The following NFIC variants were observed in gnomAD, a reference collection of about 807,000 sequenced individuals.
NFIC encodes the protein nuclear factor I C.
A neutral mutation model predicts 54.4 loss-of-function variants in NFIC; 12 were observed. The observed-to-expected ratio is 0.22, with a 90% CI of 0.14 to 0.36. NFIC has a LOEUF of 0.36. Among genes scored for constraint, NFIC ranks in the 10% least tolerant of loss-of-function variants. The pLI, the probability that NFIC is intolerant of heterozygous loss-of-function variation, is 1.00. For missense variants in NFIC, 575 were observed against 718.2 expected, an observed-to-expected ratio of 0.80 and a Z score of 2.28; for synonymous variants, 322 against 319.2, an observed-to-expected ratio of 1.01 and a Z score of -0.09.
At chr19:3,415,144 G>T (rs1465846962) in intron 2 of NFIC, among the ~76,000 whole-genome samples, 1 of 151,864 alleles carries the variant, frequency 6.6e-6, no homozygotes, top group African/African-American at 2.4e-5. Flanking sequence ...CCTGCCAAGT[G>T]CTTGGTTCTT....
chr19:3,418,577 C>T (rs934493989), intron 2 of NFIC, among the ~76,000 whole-genome samples: 1 of 152,082 alleles, frequency 6.6e-6, no homozygotes, highest in Admixed American at 6.6e-5. Flanking sequence ...GCTGGCCGGG[C>T]GTGGTGGCTC....
chr19:3,381,474 C>T (rs941303464), intron 1 of NFIC, among the ~76,000 whole-genome samples: 7 of 151,900 alleles, frequency 4.6e-5, no homozygotes, highest in Admixed American at 2.0e-4. Context: ...AGTCTGTTTG[C>T]TCATCTGGGC....
At chr19:3,433,435 C>G in intron 3 of NFIC, 83 bp from the exon 4 acceptor site, 1 of 1,470,506 alleles carries the variant, frequency 6.8e-7, no homozygotes, top group Non-Finnish European at 9.4e-7. Flanking sequence ...GGGCCAGCCC[C>G]CAGGAGTCCA....
At chr19:3,460,186 T>A (rs953282233) in intron 10 of NFIC, among the ~76,000 whole-genome samples, 4 of 152,322 alleles carry the variant, frequency 2.6e-5, no homozygotes, top group Middle Eastern at 3.4e-3. Flanking sequence ...AGTGAGCTTC[T>A]GTGGAGCAAG....
chr19:3,466,972 C>A lies in NFIC; in HGVS notation c.*4203C>A, dbSNP rs530394103. ...ACAGGGTCCCTGTAGGGCAAAATTC[C>A]CAGGCGCCTTGCTGCAGACAGAGTA... On this transcript the variant is annotated 3_prime_UTR_variant, in exon 11 of 11. Transcript: ENST00000443272. This position sits in a 1 kb window ranked among gnomAD's most constrained non-coding sequence, Gnocchi z 4.8. 1.3e-5 allele frequency: 2 copies of A among 152,260 alleles called. No homozygotes were observed. Among genetic ancestry groups the A allele is most frequent in the South Asian group, 4.1e-4 (2 of 4,826 alleles). 9.4% of individuals were successfully genotyped at this position (152,260 alleles called of 1,614,324 possible).
At chr19:3,442,461 G>A (rs1404759404) in intron 6 of NFIC, among the ~76,000 whole-genome samples, 1 of 148,252 alleles carries the variant, frequency 6.7e-6, no homozygotes, top group Non-Finnish European at 1.5e-5. Context: ...GCTCACTGCA[G>A]CCTCTGCCTT....
At chr19:3,364,743 G>T (rs1446511583), upstream of NFIC, among the ~76,000 whole-genome samples, 3 of 152,190 alleles carry the variant, frequency 2.0e-5, no homozygotes, top group Admixed American at 2.0e-4. Flanking sequence ...TGCAGGCAGG[G>T]TGGTCTGTAC....
chr19:3,444,280 A>C (rs561930629), intron 6 of NFIC, among the ~76,000 whole-genome samples: 2 of 152,240 alleles, frequency 1.3e-5, no homozygotes, highest in African/African-American at 4.8e-5. Flanking sequence ...CGTGTGTGTT[A>C]AACAGACAGG....
upstream of NFIC, among the ~76,000 whole-genome samples, chr19:3,363,262 TATATA>T (rs1445338535): frequency 5.7e-5 from 4 of 70,350 alleles, no homozygotes; most frequent in African/African-American, 1.9e-4. Context: ...TATATATATA[TATATA>T]TATTTTTTTT....
At position 3,452,730 on chromosome 19, in the gene NFIC, G is replaced by A. The variant is rs992076657; in HGVS notation, c.1269+64G>A. 6.2e-5 allele frequency: 94 copies of A among 1,516,280 alleles called. No individual in the cohort carries two copies. The East Asian group carries it at 1.5e-3, about 24-fold the overall frequency. The allele number at this position is 1,516,280 out of a possible 1,614,324, so 93.9% of individuals were successfully genotyped here. On this transcript the variant is annotated intron_variant, in intron 8 of 10. Coordinates refer to ENST00000443272, the MANE Select transcript of NFIC (RefSeq NM_001245002.2). This position sits in a 1 kb window ranked among gnomAD's most constrained non-coding sequence, Gnocchi z 5.3. Reference sequence around the variant, plus strand: ...CTCCAGGTGACCTCCCGGGGGCCACGTGCTCACACGAAGGCACAACCTCTG... The same window carrying A: ...CTCCAGGTGACCTCCCGGGGGCCACATGCTCACACGAAGGCACAACCTCTG...
At chr19:3,441,692 A>G (rs1327638081) in intron 6 of NFIC, among the ~76,000 whole-genome samples, 1 of 152,114 alleles carries the variant, frequency 6.6e-6, no homozygotes, top group Non-Finnish European at 1.5e-5. Context: ...GGCCGGGGGC[A>G]CAGGAAGGGC....
Position 3,459,181 on chromosome 19 carries a change from C to T in NFIC, c.1509+2546C>T, listed in dbSNP as rs555786247. 9.2e-5 allele frequency among the ~76,000 whole-genome samples: 14 copies of T among 152,064 alleles called. No individual in the cohort carries two copies. The highest frequency in any genetic ancestry group is 1.8e-4 in the Non-Finnish European group (12 of 67,928). The stretch of plus-strand genomic sequence containing the variant: ...TCGCTTCCCTCTGCCCCCTCCTCCC[C>T]CAAAGCCTGGGTGGGCGCGCCTTTC... On this transcript the variant is annotated intron_variant, in intron 10 of 10. Coordinates refer to ENST00000443272, the MANE Select transcript of NFIC (RefSeq NM_001245002.2). This position sits in a 1 kb window ranked among gnomAD's most constrained non-coding sequence, Gnocchi z 4.2.
rs1210310191 is a variant in NFIC, at chr19:3,451,622, T to C, written c.1085-860T>C. Among the ~76,000 whole-genome samples, 1,189 of 138,864 alleles carry C rather than the reference T, an allele frequency of 8.6e-3. 20 individuals carry two copies. The highest frequency in any genetic ancestry group is 0.033 in the African/African-American group (1,120 of 34,166). 91.1% of individuals were successfully genotyped at this position (138,864 alleles called of 152,430 possible). ...CTCCAGCCTGGGTGACAAAGCGAGA[T>C]TCTATCTCTTAAAAAAAAAAAAAAA... is the stretch of plus-strand genomic sequence containing the variant. On this transcript the variant is annotated intron_variant, in intron 7 of 10. Coordinates refer to ENST00000443272, the MANE Select transcript of NFIC (RefSeq NM_001245002.2).
Position 3,452,762 on chromosome 19 carries a change from A to T in NFIC, c.1269+96A>T. 3 of 1,415,372 alleles carry T rather than the reference A, an allele frequency of 2.1e-6. No individual in the cohort carries two copies. Among genetic ancestry groups the T allele is most frequent in the Non-Finnish European group, 1.9e-6 (2 of 1,056,386 alleles). 87.7% of individuals were successfully genotyped at this position (1,415,372 alleles called of 1,614,324 possible). A position where few individuals can be genotyped will look rare whatever the true frequency, so the allele number is the denominator to read the frequency against. On this transcript the variant is annotated intron_variant, in intron 8 of 10. Coordinates refer to ENST00000443272, the MANE Select transcript of NFIC (RefSeq NM_001245002.2). The surrounding 1 kb of genome is among the most constrained non-coding windows in gnomAD (Gnocchi z 5.3). ...CACGAAGGCACAACCTCTGCTTAAA[A>T]GGGTCTTGAGGACTTGGCTCTGAAG...
chr19:3,369,853 G>T lies in NFIC; in HGVS notation c.30+3187G>T, dbSNP rs1464506976. 1.3e-5 allele frequency among the ~76,000 whole-genome samples: 2 copies of T among 152,130 alleles called. No individual in the cohort carries two copies. The highest frequency in any genetic ancestry group is 4.8e-5 in the African/African-American group (2 of 41,434). ...GGATTCCCCGAGCCACCTCCATCCC[G>T]CCACCGGGTCCCTGTCTCATTCGTT... On this transcript the variant is annotated intron_variant, in intron 1 of 10. Transcript: ENST00000443272. This position sits in a 1 kb window ranked among gnomAD's most constrained non-coding sequence, Gnocchi z 4.3.
chr19:3,430,510 C>T (rs903510559), intron 3 of NFIC, among the ~76,000 whole-genome samples: 49 of 152,002 alleles, frequency 3.2e-4, no homozygotes, highest in African/African-American at 1.1e-3. Context: ...AGATGTGAGC[C>T]GCCGAGCCTG....
At chr19:3,389,386 C>A (rs1034995316) in intron 2 of NFIC, among the ~76,000 whole-genome samples, 4 of 152,154 alleles carry the variant, frequency 2.6e-5, no homozygotes, top group Non-Finnish European at 5.9e-5. Context: ...GCCTTGTGGG[C>A]CACAGACAGG....
At chr19:3,435,247 G>A (rs929840587) in intron 6 of NFIC, 40 bp downstream of exon 6, 2 of 1,524,646 alleles carry the variant, frequency 1.3e-6, no homozygotes, top group East Asian at 2.5e-5. Flanking sequence ...CTTCCGGTCT[G>A]AGTCACCGTG....
rs1283834692 is a variant in NFIC at position 3,366,695 on chromosome 19, C to T, written c.30+29C>T. ...CGGTCCTCGCCCGGCCCCCCGCCGG[C>T]GCCCCCGCGCCCCCCGCATCCCAGC... is the stretch of plus-strand genomic sequence containing the variant. On this transcript the variant is annotated intron_variant, in intron 1 of 10. Transcript: ENST00000443272. 7.4e-6 allele frequency: 10 copies of T among 1,351,540 alleles called. No homozygotes were observed. In the Admixed American group the frequency reaches 2.5e-4, roughly 34 times the overall value. The allele number at this position is 1,351,540 out of a possible 1,614,324, so 83.7% of individuals were successfully genotyped here.
Sources: allele counts gnomAD v4.1 joint callset (sites outside exome capture counted in the v4.1 genomes callset), GRCh38; gene constraint gnomAD v4.1.1; non-coding constraint Gnocchi (gnomAD v3.1); transcripts MANE v1.5; gene names NCBI Gene and HGNC (gene_info 2026-07-23, HGNC 2026-07-21).